GMDS: variants seen among roughly 807,000 people sequenced by gnomAD.
GMDS encodes the protein GDP-mannose 4,6 dehydratase.
Under a neutral mutation model 49.9 loss-of-function variants are expected in GMDS, and 20 were observed. That is an observed-to-expected ratio of 0.40 (90% CI 0.28 to 0.58). The LOEUF (loss-of-function observed/expected upper bound fraction) is 0.58. Ranked by LOEUF, GMDS falls within the 20% of genes least tolerant of loss-of-function variation. The probability of loss-of-function intolerance (pLI) is 0.42; values close to 1 mark genes in which losing one functional copy is unlikely to be tolerated. For synonymous variants in GMDS, 177 were observed against 178.6 expected, an observed-to-expected ratio of 0.99 and a Z score of 0.07; for missense variants, 362 against 481.4, an observed-to-expected ratio of 0.75 and a Z score of 2.32.
chr6:2,006,708 A>G (rs986721331), intron 4 of GMDS, among the ~76,000 whole-genome samples: 1 of 152,148 alleles, frequency 6.6e-6, no homozygotes, highest in Non-Finnish European at 1.5e-5. Flanking sequence ...CACCTTTTCC[A>G]TTCTGTAACC....
rs563491178 is a variant in GMDS, at chr6:1,699,431, C to T, written c.987+26985G>A. On this transcript the variant is annotated intron_variant, in intron 9 of 10. Transcript: ENST00000380815. ...AGGGGAGAGGCTGGAGCCAGTCCAG[C>T]CTAACACATTAACGCAGGTGTAGGG... Among the ~76,000 whole-genome samples, 14 of 152,008 alleles carry T rather than the reference C, an allele frequency of 9.2e-5. No individual in the cohort carries two copies. In the East Asian group the frequency reaches 2.7e-3, roughly 30 times the overall value.
intron 4 of GMDS, among the ~76,000 whole-genome samples, chr6:1,999,707 A>G (rs1766536469): frequency 6.7e-6 from 1 of 150,164 alleles, no homozygotes; most frequent in Non-Finnish European, 1.5e-5. Flanking sequence ...ACAAAAATGA[A>G]TGACAGGAAT....
At chr6:1,747,718 T>C (rs1561778131) in intron 7 of GMDS, among the ~76,000 whole-genome samples, 1 of 152,210 alleles carries the variant, frequency 6.6e-6, no homozygotes, top group Non-Finnish European at 1.5e-5. Context: ...TCCAGTAGTT[T>C]TGTGGTCAGC....
intron 7 of GMDS, among the ~76,000 whole-genome samples, chr6:1,881,139 A>C (rs2113823290): frequency 6.6e-6 from 1 of 152,324 alleles, no homozygotes; most frequent in South Asian, 2.1e-4. Context: ...TAATTTAAAA[A>C]CAGGCAGGAG....
At chr6:1,881,178 G>A (rs1214323406) in intron 7 of GMDS, among the ~76,000 whole-genome samples, 1 of 152,078 alleles carries the variant, frequency 6.6e-6, no homozygotes, top group African/African-American at 2.4e-5. Context: ...AAATTTAAAA[G>A]ACCAAACACA....
chr6:1,997,475 T>C (rs1766362935), intron 4 of GMDS, among the ~76,000 whole-genome samples: 1 of 129,552 alleles, frequency 7.7e-6, no homozygotes. Flanking sequence ...GCCACTGCAC[T>C]CCAGCCTGGG....
chr6:2,160,938 CTGAATAATCAA>C (rs1231459197), intron 1 of GMDS, among the ~76,000 whole-genome samples: 1 of 152,190 alleles, frequency 6.6e-6, no homozygotes, highest in East Asian at 1.9e-4. Flanking sequence ...TTCTTTCAAG[CTGAATAATCAA>C]TGACCATACC....
chr6:1,624,142 A>C lies in GMDS; in HGVS notation c.*27T>G, dbSNP rs1172274823. ...GAGACTCTGCGGGGATTGTAGCCGG[A>C]GGGCGGGCCGGGCTCCGAGGCGCTG... On this transcript the variant is annotated 3_prime_UTR_variant, in exon 11 of 11. Transcript: ENST00000380815. The C allele has an allele frequency of 6.3e-7, 1 of 1,598,902 alleles. No homozygotes were observed. The highest frequency in any genetic ancestry group is 1.3e-5 in the African/African-American group (1 of 74,720).
chr6:1,846,233 T>C (rs903863451), intron 7 of GMDS, among the ~76,000 whole-genome samples: 1 of 151,884 alleles, frequency 6.6e-6, no homozygotes. Context: ...GTGGGGGCTA[T>C]AGGTGTGTGC....
At chr6:2,240,074 A>AG (rs1781542810) in intron 1 of GMDS, among the ~76,000 whole-genome samples, 1 of 152,194 alleles carries the variant, frequency 6.6e-6, no homozygotes, top group African/African-American at 2.4e-5. Flanking sequence ...ACTGCCTACA[A>AG]TCCTCTTATA....
chr6:1,638,971 C>T (rs1763247928), intron 9 of GMDS, among the ~76,000 whole-genome samples: 1 of 152,118 alleles, frequency 6.6e-6, no homozygotes, highest in Non-Finnish European at 1.5e-5. Context: ...CTTCTTATTC[C>T]ATCCTGGCCA....
At chr6:1,639,174 C>CTG (rs2113175997) in intron 9 of GMDS, among the ~76,000 whole-genome samples, 1 of 152,258 alleles carries the variant, frequency 6.6e-6, no homozygotes, top group East Asian at 1.9e-4. Context: ...GGAGAGAGGG[C>CTG]TGTGTGGTGG....
intron 1 of GMDS, among the ~76,000 whole-genome samples, chr6:2,126,925 C>G (rs758568889): frequency 6.6e-5 from 10 of 152,164 alleles, no homozygotes; most frequent in South Asian, 2.1e-4. Context: ...AGCCACCATG[C>G]CAGGGCTAAA....
At chr6:1,828,342 G>A (rs1771213110) in intron 7 of GMDS, among the ~76,000 whole-genome samples, 1 of 152,194 alleles carries the variant, frequency 6.6e-6, no homozygotes, top group South Asian at 2.1e-4. Flanking sequence ...AGGAGTCACA[G>A]AAGAAGCAGA....
intron 7 of GMDS, among the ~76,000 whole-genome samples, chr6:1,877,175 T>C (rs1759112295): frequency 6.6e-6 from 1 of 152,114 alleles, no homozygotes; most frequent in African/African-American, 2.4e-5. Flanking sequence ...CACAGAAGTC[T>C]CGGTGTGCTG....
intron 1 of GMDS, among the ~76,000 whole-genome samples, chr6:2,233,822 C>G (rs1478850567): frequency 6.6e-6 from 1 of 152,140 alleles, no homozygotes; most frequent in East Asian, 1.9e-4. Context: ...GAGACTCCAT[C>G]TCGAAAAACA....
At chr6:1,943,738 C>T (rs1762925957) in intron 6 of GMDS, among the ~76,000 whole-genome samples, 1 of 152,210 alleles carries the variant, frequency 6.6e-6, no homozygotes, top group African/African-American at 2.4e-5. Flanking sequence ...TCTGGTCACA[C>T]TAGGCAGCTT....
chr6:1,906,589 C>A (rs139459781), intron 7 of GMDS, among the ~76,000 whole-genome samples: 1 of 152,144 alleles, frequency 6.6e-6, no homozygotes, highest in Non-Finnish European at 1.5e-5. Context: ...CTATGATACT[C>A]TAGTTTTTCA....
chr6:2,070,644 C>A (rs563335947), intron 4 of GMDS, among the ~76,000 whole-genome samples: 24 of 152,190 alleles, frequency 1.6e-4, no homozygotes, highest in African/African-American at 5.8e-4. Context: ...TCAGATGTCT[C>A]AAAAGATGGC....
Sources: gnomAD v4.1 joint callset for allele counts (sites outside exome capture counted in the v4.1 genomes callset) on GRCh38, gnomAD v4.1.1 for gene constraint, MANE v1.5 for transcripts, NCBI Gene and HGNC (gene_info 2026-07-23, HGNC 2026-07-21) for gene names.